ACCSL: variants seen among roughly 807,000 people sequenced by gnomAD.
ACCSL encodes the protein probable inactive 1-aminocyclopropane-1-carboxylate synthase-like protein 2.
Under a neutral mutation model 61.7 loss-of-function variants are expected in ACCSL, and 55 were observed. The ratio of observed to expected loss-of-function variants is 0.89; its 90% CI spans 0.72 to 1.12. ACCSL has a LOEUF of 1.12. Ranked by LOEUF, ACCSL falls within the 50% of genes most tolerant of loss-of-function variation. The probability of loss-of-function intolerance (pLI) is 0.00; values close to 1 mark genes in which losing one functional copy is unlikely to be tolerated. For synonymous variants in ACCSL, 258 were observed against 264.3 expected (o/e 0.98, Z 0.23); for missense variants, 632 against 698.0 (o/e 0.91, Z 1.07).
At chr11:43,999,735 C>T in the ACCSL span, among the ~76,000 whole-genome samples, 2 of 152,102 alleles carry the variant, frequency 1.3e-5, no homozygotes, top group African/African-American at 4.8e-5. Context: ...GTGGGATAAT[C>T]GGAGGCCAAG....
the ACCSL span, among the ~76,000 whole-genome samples, chr11:44,005,264 C>T: frequency 6.6e-6 from 1 of 152,146 alleles, no homozygotes; most frequent in Admixed American, 6.5e-5. Context: ...ACCCCCTCCC[C>T]GGATTGGCTG....
rs1952629608 is a variant in ACCSL, at chr11:44,050,461, G to A, written c.565-91G>A. 8 of 1,118,190 alleles carry A rather than the reference G, an allele frequency of 7.2e-6. No individual in the cohort carries two copies. The East Asian group carries it at 1.9e-4, about 26-fold the overall frequency. 69.3% of individuals were successfully genotyped at this position (1,118,190 alleles called of 1,614,324 possible). On this transcript the variant is annotated intron_variant, in intron 2 of 13. Transcript: ENST00000378832. The stretch of plus-strand genomic sequence containing the variant: ...TCCCTTTCTAGGAGGTCATGTATGT[G>A]GAGGGCAAACACTCATGTACAAACT...
chr11:43,936,246 T>G, the ACCSL span, among the ~76,000 whole-genome samples: 1 of 152,180 alleles, frequency 6.6e-6, no homozygotes, highest in Non-Finnish European at 1.5e-5. Context: ...CGGGCTGGCT[T>G]CCTCTTTTAA....
At chr11:44,022,882 T>C in the ACCSL span, among the ~76,000 whole-genome samples, 1 of 99,162 alleles carries the variant, frequency 1.0e-5, no homozygotes. Flanking sequence ...TCCTTTTCTG[T>C]TTTTGGAAGA....
chr11:43,928,888 A>G, the ACCSL span, among the ~76,000 whole-genome samples: 3 of 152,210 alleles, frequency 2.0e-5, no homozygotes, highest in African/African-American at 7.2e-5. Context: ...TTGCAACACA[A>G]GGTAGGAGAG....
chr11:44,015,399 C>T, the ACCSL span, among the ~76,000 whole-genome samples: 1 of 152,208 alleles, frequency 6.6e-6, no homozygotes, highest in Non-Finnish European at 1.5e-5. Context: ...TCTGACATTG[C>T]ATTGCCTCCC....
the ACCSL span, among the ~76,000 whole-genome samples, chr11:43,957,168 A>G: frequency 6.0e-4 from 92 of 152,344 alleles, no homozygotes; most frequent in African/African-American, 2.1e-3. Flanking sequence ...AGAGCCTGAG[A>G]ACATGTCTCC....
the ACCSL span, among the ~76,000 whole-genome samples, chr11:44,036,216 C>T: frequency 2.6e-5 from 4 of 152,196 alleles, no homozygotes; most frequent in South Asian, 2.1e-4. Flanking sequence ...ATCCCCATTC[C>T]AGGTCACCTC....
chr11:43,956,913 G>T, the ACCSL span, among the ~76,000 whole-genome samples: 3 of 152,126 alleles, frequency 2.0e-5, no homozygotes, highest in Non-Finnish European at 2.9e-5. Flanking sequence ...CTTAAAAGAG[G>T]GGTGGGGCAC....
chr11:43,988,806 CTTTTTTTTT>C, the ACCSL span, among the ~76,000 whole-genome samples: 46,571 of 99,830 alleles, frequency 0.47, 9,067 homozygotes, highest in Middle Eastern at 0.62. Flanking sequence ...ATTCTCTCTT[CTTTTTTTTT>C]TTTTTTTTTT....
chr11:44,020,707 T>C, the ACCSL span, among the ~76,000 whole-genome samples: 1 of 152,186 alleles, frequency 6.6e-6, no homozygotes, highest in African/African-American at 2.4e-5. Flanking sequence ...TGGTGATTTC[T>C]GAGATTTTGG....
chr11:44,007,280 A>G, the ACCSL span, among the ~76,000 whole-genome samples: 7 of 152,248 alleles, frequency 4.6e-5, no homozygotes, highest in African/African-American at 1.7e-4. Context: ...TTTATTTGAA[A>G]TCAGTTTGAG....
upstream of ACCSL, among the ~76,000 whole-genome samples, chr11:44,043,942 C>T (rs1158071188): frequency 2.0e-5 from 3 of 152,178 alleles, no homozygotes; most frequent in Non-Finnish European, 4.4e-5. Flanking sequence ...TTATAATCTA[C>T]TCCCAATAGC....
chr11:43,967,729 A>G, the ACCSL span, among the ~76,000 whole-genome samples: 1 of 152,048 alleles, frequency 6.6e-6, no homozygotes, highest in East Asian at 1.9e-4. Flanking sequence ...GTATCTTTGT[A>G]TTGATTCTGT....
At chr11:43,935,750 C>T in the ACCSL span, among the ~76,000 whole-genome samples, 2 of 152,220 alleles carry the variant, frequency 1.3e-5, no homozygotes, top group African/African-American at 2.4e-5. Context: ...GCCTCAGACT[C>T]CTGAGTAACT....
chr11:44,042,459 C>A, the ACCSL span, among the ~76,000 whole-genome samples: 1 of 152,066 alleles, frequency 6.6e-6, no homozygotes, highest in Admixed American at 6.5e-5. Context: ...GTCCTTATTT[C>A]TGTGTACATG....
At chr11:43,978,523 A>G in the ACCSL span, among the ~76,000 whole-genome samples, 2 of 152,230 alleles carry the variant, frequency 1.3e-5, no homozygotes, top group Non-Finnish European at 2.9e-5. Context: ...GGCAAGGTAC[A>G]GGCATCAAAG....
At chr11:43,965,287 G>A in the ACCSL span, among the ~76,000 whole-genome samples, 1 of 150,226 alleles carries the variant, frequency 6.7e-6, no homozygotes, top group Admixed American at 6.6e-5. Flanking sequence ...AAAAGCAGTT[G>A]AATTTCTATA....
chr11:43,959,280 A>G, the ACCSL span, among the ~76,000 whole-genome samples: 1 of 152,112 alleles, frequency 6.6e-6, no homozygotes, highest in East Asian at 1.9e-4. Context: ...TTGCCAAAAG[A>G]CAGAACAGGG....
Sources: allele counts gnomAD v4.1 joint callset (sites outside exome capture counted in the v4.1 genomes callset), GRCh38; gene constraint gnomAD v4.1.1; transcripts MANE v1.5; gene names NCBI Gene and HGNC (gene_info 2026-07-23, HGNC 2026-07-21).